DIS3L2: variants seen among roughly 807,000 people sequenced by gnomAD.
DIS3L2 encodes DIS3 like 3'-5' exoribonuclease 2, also known as DIS3-like exonuclease 2.
Under a neutral mutation model 97.5 loss-of-function variants are expected in DIS3L2, and 34 were observed. That is an observed-to-expected ratio of 0.35 (90% confidence interval 0.27 to 0.46). The LOEUF is 0.46. Among genes scored for constraint, DIS3L2 ranks in the 20% least tolerant of loss-of-function variants. DIS3L2 has a pLI of 1.00. For missense variants in DIS3L2, 1,038 were observed against 1,146.0 expected, an observed-to-expected ratio of 0.91 and a Z score of 1.36; for synonymous variants, 435 against 445.2, an observed-to-expected ratio of 0.98 and a Z score of 0.29.
intron 13 of DIS3L2, among the ~76,000 whole-genome samples, chr2:232,283,811 G>A (rs191553838): frequency 1.3e-5 from 2 of 152,154 alleles, no homozygotes; most frequent in African/African-American, 2.4e-5. Context: ...GTGGCCCAAG[G>A]GAGAGCTGTG....
rs1360834064 is a variant in DIS3L2 at position 232,336,173 on chromosome 2, T to C, written c.2497-296T>C. The C allele has an allele frequency of 3.9e-6, 6 of 1,531,928 alleles. No homozygotes were observed. The Admixed American group carries it at 6.0e-5, about 15-fold the overall frequency. The allele number at this position is 1,531,928 out of a possible 1,614,324, so 94.9% of individuals were successfully genotyped here. A position where few individuals can be genotyped will look rare whatever the true frequency, so the allele number is the denominator to read the frequency against. The stretch of plus-strand genomic sequence containing the variant: ...TAGAGAACCTGATGAAAGCTATGAG[T>C]TTACACCCAAGAAATTGTCTGGAAC... On this transcript the variant is annotated intron_variant, in intron 20 of 20. Transcript: ENST00000325385.
intron 1 of DIS3L2, among the ~76,000 whole-genome samples, chr2:231,987,364 A>C (rs116221186): frequency 0.018 from 2,799 of 152,338 alleles, 82 homozygotes; most frequent in African/African-American, 0.063. Context: ...GGGTTTGCCA[A>C]GATTGCAGTT....
chr2:232,028,363 C>T (rs181163375), intron 4 of DIS3L2, among the ~76,000 whole-genome samples: 135 of 152,162 alleles, frequency 8.9e-4, no homozygotes, highest in Middle Eastern at 3.4e-3. Context: ...GAGCAGTTCC[C>T]AAGCTTAGTG....
At chr2:232,329,678 G>A in intron 14 of DIS3L2, 135 bp from the exon 15 acceptor site, 1 of 875,476 alleles carries the variant, frequency 1.1e-6, no homozygotes, top group South Asian at 2.0e-5. Flanking sequence ...CATGAGATGA[G>A]GTAGCTGGGA....
At chr2:232,108,625 T>C (rs1697430021) in intron 6 of DIS3L2, among the ~76,000 whole-genome samples, 1 of 152,222 alleles carries the variant, frequency 6.6e-6, no homozygotes, top group Admixed American at 6.5e-5. Flanking sequence ...TTTGTTTGCA[T>C]TGCAGATGAC....
At chr2:231,986,556 C>T (rs1367387407) in intron 1 of DIS3L2, among the ~76,000 whole-genome samples, 1 of 152,134 alleles carries the variant, frequency 6.6e-6, no homozygotes, top group Non-Finnish European at 1.5e-5. Context: ...GGGAACAGCT[C>T]TTTACATTGT....
intron 13 of DIS3L2, among the ~76,000 whole-genome samples, chr2:232,277,946 A>G (rs983240403): frequency 6.6e-6 from 1 of 152,132 alleles, no homozygotes; most frequent in Non-Finnish European, 1.5e-5. Flanking sequence ...AAAATATGGT[A>G]TTCTAATCTT....
At chr2:232,289,174 T>C (rs890104422) in intron 13 of DIS3L2, among the ~76,000 whole-genome samples, 2 of 152,164 alleles carry the variant, frequency 1.3e-5, no homozygotes, top group Non-Finnish European at 2.9e-5. Flanking sequence ...AGGCTTGATA[T>C]TGGAAATATT....
At chr2:231,974,690 G>T (rs1290159971) in intron 1 of DIS3L2, among the ~76,000 whole-genome samples, 8 of 151,888 alleles carry the variant, frequency 5.3e-5, no homozygotes, top group African/African-American at 1.9e-4. Context: ...ACTTAGAAAT[G>T]CTGGGATTTG....
At chr2:232,302,999 T>C (rs1694901380) in intron 14 of DIS3L2, among the ~76,000 whole-genome samples, 1 of 152,218 alleles carries the variant, frequency 6.6e-6, no homozygotes, top group Non-Finnish European at 1.5e-5. Flanking sequence ...CGGGATATCA[T>C]GTTGAAGTGT....
intron 13 of DIS3L2, among the ~76,000 whole-genome samples, chr2:232,290,169 C>A (rs1694559465): frequency 6.6e-6 from 1 of 152,262 alleles, no homozygotes; most frequent in Non-Finnish European, 1.5e-5. Flanking sequence ...CTCAAAAATT[C>A]TCCAGCTTTG....
At chr2:232,270,902 C>CG (rs1693985599) in intron 13 of DIS3L2, among the ~76,000 whole-genome samples, 1 of 137,094 alleles carries the variant, frequency 7.3e-6, no homozygotes, top group African/African-American at 3.0e-5. Context: ...CTCTCTCTCT[C>CG]TCTCTCTCTC....
At chr2:232,280,243 C>G (rs1694247211) in intron 13 of DIS3L2, among the ~76,000 whole-genome samples, 1 of 152,186 alleles carries the variant, frequency 6.6e-6, no homozygotes, top group South Asian at 2.1e-4. Flanking sequence ...AGGCATGATG[C>G]TCTCTGTGAG....
At chr2:232,213,287 A>G (rs1023769392) in intron 10 of DIS3L2, among the ~76,000 whole-genome samples, 2 of 152,212 alleles carry the variant, frequency 1.3e-5, no homozygotes, top group African/African-American at 4.8e-5. Flanking sequence ...GCCGCTCAGT[A>G]GCCTACTGCA....
At chr2:232,172,812 A>G in intron 9 of DIS3L2, 1 of 531,158 alleles carries the variant, frequency 1.9e-6, no homozygotes, top group Non-Finnish European at 3.9e-6. Flanking sequence ...TATAGCCATC[A>G]TTGTAGGTGT....
intron 11 of DIS3L2, among the ~76,000 whole-genome samples, chr2:232,245,456 C>G (rs1462480085): frequency 6.6e-6 from 1 of 152,198 alleles, no homozygotes; most frequent in African/African-American, 2.4e-5. Context: ...AATTAGGCCC[C>G]ATTTATGAGA....
chr2:232,004,963 T>C (rs997462272), intron 1 of DIS3L2, among the ~76,000 whole-genome samples: 3 of 152,186 alleles, frequency 2.0e-5, no homozygotes, highest in Non-Finnish European at 4.4e-5. Context: ...TCTTTTCCTT[T>C]ACCTCAGTGA....
At chr2:232,071,975 T>G (rs1308143169) in intron 5 of DIS3L2, among the ~76,000 whole-genome samples, 1 of 152,162 alleles carries the variant, frequency 6.6e-6, no homozygotes, top group East Asian at 1.9e-4. Context: ...CTAAGATTGC[T>G]TGTAAAAAGG....
intron 5 of DIS3L2, among the ~76,000 whole-genome samples, chr2:232,049,869 C>A (rs1695351903): frequency 6.6e-6 from 1 of 152,092 alleles, no homozygotes; most frequent in Non-Finnish European, 1.5e-5. Flanking sequence ...GGATTTGTGT[C>A]CTCATGGTAT....
Sources: gnomAD v4.1 joint callset for allele counts (sites outside exome capture counted in the v4.1 genomes callset) on GRCh38, gnomAD v4.1.1 for gene constraint, MANE v1.5 for transcripts, NCBI Gene and HGNC (gene_info 2026-07-23, HGNC 2026-07-21) for gene names.